The following CACNA1C variants were observed in gnomAD, a reference collection of about 807,000 sequenced individuals.
CACNA1C encodes the protein voltage-dependent L-type calcium channel subunit alpha-1C.
Under a neutral mutation model 229.0 loss-of-function variants are expected in CACNA1C, and 30 were observed. The observed-to-expected ratio is 0.13, with a 90% confidence interval of 0.10 to 0.18. The LOEUF (loss-of-function observed/expected upper bound fraction) is 0.18. Among genes scored for constraint, CACNA1C ranks in the 10% least tolerant of loss-of-function variants. The pLI, the probability that CACNA1C is intolerant of heterozygous loss-of-function variation, is 1.00. For synonymous variants in CACNA1C, 1,114 were observed against 1,132.5 expected (o/e 0.98, Z 0.33); for missense variants, 1,658 against 2,845.0 (o/e 0.58, Z 9.49).
chr12:2,530,807 G>A (rs1207353279), intron 9 of CACNA1C, among the ~76,000 whole-genome samples: 1 of 152,202 alleles, frequency 6.6e-6, no homozygotes, highest in Non-Finnish European at 1.5e-5. Flanking sequence ...AATACTGCAT[G>A]ACGAGAATGA....
chr12:1,981,792 A>G (rs2036216361), intron 1 of CACNA1C, among the ~76,000 whole-genome samples: 1 of 152,220 alleles, frequency 6.6e-6, no homozygotes, highest in African/African-American at 2.4e-5. Context: ...CAGGGAGGTA[A>G]AGTTCCAGCT....
rs564138780 is a variant in CACNA1C, at chr12:2,339,598, T to C, written c.478-109378T>C. On this transcript the variant is annotated intron_variant, in intron 3 of 46. Transcript: ENST00000399655. ...TACTCTCTTTATATCCTTTTTTCTA[T>C]GTGATGTATTCTATTAAAAATTATT... Among the ~76,000 whole-genome samples the C allele has an allele frequency of 3.9e-5, 6 of 152,350 alleles. No homozygotes were observed. The East Asian group carries it at 1.2e-3, about 29-fold the overall frequency.
intron 3 of CACNA1C, among the ~76,000 whole-genome samples, chr12:2,335,744 C>G (rs1433799486): frequency 6.6e-6 from 1 of 152,164 alleles, no homozygotes; most frequent in Non-Finnish European, 1.5e-5. Context: ...TCTGCCCAAC[C>G]TCCCTGCAGG....
chr12:2,048,178 G>A (rs190204684), upstream of CACNA1C, among the ~76,000 whole-genome samples: 29 of 152,338 alleles, frequency 1.9e-4, no homozygotes, highest in Admixed American at 1.4e-3. Flanking sequence ...CAACCTTAAC[G>A]CAGAACCACA....
In CACNA1C at chr12:2,556,956, G is replaced by A. The variant is rs369255950; in HGVS notation, c.1487G>A (p.Arg496Gln). 2.7e-5 allele frequency: 44 copies of A among 1,612,530 alleles called. No individual in the cohort carries two copies. Among genetic ancestry groups the A allele is most frequent in the Middle Eastern group, 3.3e-4 (2 of 6,082 alleles). ...GENCGARLAH[R>Q]ISKSKFSRYW... ...ATTTCCTTTTTCTTTTTCAGCCACC[G>A]GATCTCCAAGTCAAAGTTCAGGTGA... The change falls in exon 11 of 47, where the codon CGG (arginine) becomes CAG (glutamine). Residue 496 changes from arginine (R) to glutamine (Q), a missense_variant. Physicochemically the swap from Arg to Gln is conservative, Grantham distance 43. Coordinates refer to ENST00000399655, the MANE Select transcript of CACNA1C (RefSeq NM_000719.7).
intron 5 of CACNA1C, among the ~76,000 whole-genome samples, chr12:2,461,036 C>A (rs1349595164): frequency 6.6e-6 from 1 of 152,184 alleles, no homozygotes. Flanking sequence ...CTTCTCATAG[C>A]CATAGGTTAT....
At chr12:2,392,936 G>T (rs1389164103) in intron 3 of CACNA1C, among the ~76,000 whole-genome samples, 18 of 152,108 alleles carry the variant, frequency 1.2e-4, no homozygotes, top group Non-Finnish European at 2.9e-5. Flanking sequence ...ACCAATCCTT[G>T]TGTCCGTAAG....
intron 1 of CACNA1C, chr12:1,992,091 T>G: frequency 2.8e-6 from 1 of 356,390 alleles, no homozygotes; most frequent in South Asian, 2.8e-5. Flanking sequence ...GAATTCCAAG[T>G]CTTTAGTAAT....
Position 2,679,028 on chromosome 12 carries a change from T to C in CACNA1C, c.5092-416T>C, listed in dbSNP as rs1279376712. ...TTTTTTAAATCTGGTTAGAATCTTC[T>C]GGTCGCTCTCCCAGCCCCCGCCCTC... On this transcript the variant is annotated intron_variant, in intron 41 of 46. Coordinates refer to ENST00000399655, the MANE Select transcript of CACNA1C (RefSeq NM_000719.7). This position sits in a 1 kb window ranked among gnomAD's most constrained non-coding sequence, Gnocchi z 5.5. Among the ~76,000 whole-genome samples, 1 of 152,228 alleles carries C rather than the reference T, an allele frequency of 6.6e-6. No homozygotes were observed. Among genetic ancestry groups the C allele is most frequent in the Non-Finnish European group, 1.5e-5 (1 of 68,034 alleles).
At position 2,361,716 on chromosome 12, in the gene CACNA1C, T is replaced by C. The variant is rs190372172; in HGVS notation, c.478-87260T>C. Among the ~76,000 whole-genome samples the C allele has an allele frequency of 2.0e-3, 310 of 152,330 alleles. 3 individuals are homozygous for C. The highest frequency in any genetic ancestry group is 7.1e-3 in the African/African-American group (296 of 41,584). On this transcript the variant is annotated intron_variant, in intron 3 of 46. Coordinates refer to ENST00000399655, the MANE Select transcript of CACNA1C (RefSeq NM_000719.7). ...TTATGTGAGAGAAAAATAAAGCCAC[T>C]ATTATCTTTTGTTTTATTTATGCAG... is the stretch of plus-strand genomic sequence containing the variant.
rs1016406332 is a variant in CACNA1C, at chr12:2,634,059, G to A, written c.3829-238G>A. The stretch of plus-strand genomic sequence containing the variant: ...TTTGAACTAACCCAGCTTTTGTCAG[G>A]CCTCTGCACCCTGCGAAAACCAGGT... On this transcript the variant is annotated intron_variant, in intron 29 of 46. Coordinates refer to ENST00000399655, the MANE Select transcript of CACNA1C (RefSeq NM_000719.7). 1.5e-4 allele frequency among the ~76,000 whole-genome samples: 23 copies of A among 152,198 alleles called. 1 individual carries two copies. The highest frequency in any genetic ancestry group is 1.1e-3 in the Admixed American group (17 of 15,282).
intron 3 of CACNA1C, among the ~76,000 whole-genome samples, chr12:2,238,023 T>C (rs2154370341): frequency 6.6e-6 from 1 of 152,328 alleles, no homozygotes; most frequent in East Asian, 1.9e-4. Flanking sequence ...CCTATCTGTA[T>C]GTTCTTTAAG....
intron 3 of CACNA1C, among the ~76,000 whole-genome samples, chr12:2,279,952 C>T (rs2090479025): frequency 6.6e-6 from 1 of 152,200 alleles, no homozygotes. Context: ...AATCAATCCC[C>T]TACAGTTACT....
chr12:1,983,071 T>C (rs1219933269), intron 1 of CACNA1C, among the ~76,000 whole-genome samples: 1 of 152,098 alleles, frequency 6.6e-6, no homozygotes, highest in Non-Finnish European at 1.5e-5. Context: ...TATTATCCTT[T>C]TAATGTCTGT....
chr12:2,606,241 C>T (rs778975229), intron 24 of CACNA1C, among the ~76,000 whole-genome samples: 2 of 152,050 alleles, frequency 1.3e-5, no homozygotes, highest in Non-Finnish European at 2.9e-5. Flanking sequence ...TCTTTTTTGC[C>T]CTCACCCTTT....
chr12:2,423,054 T>A (rs1386910967), intron 3 of CACNA1C, among the ~76,000 whole-genome samples: 1 of 152,136 alleles, frequency 6.6e-6, no homozygotes, highest in Non-Finnish European at 1.5e-5. Flanking sequence ...AGCTCCGATG[T>A]CATCTAGCAT....
rs1325521159 is a variant in CACNA1C at position 2,082,856 on chromosome 12, T to C, written c.49+29245T>C. 2.0e-5 allele frequency among the ~76,000 whole-genome samples: 3 copies of C among 152,360 alleles called. No individual in the cohort carries two copies. The South Asian group carries it at 6.2e-4, about 32-fold the overall frequency. On this transcript the variant is annotated intron_variant, in intron 1 of 46. Transcript: ENST00000399655. ...AACGCCTATCTCTGCTCAAGTCTAC[T>C]TTATATCGTATATTTATATATAGAT... is the stretch of plus-strand genomic sequence containing the variant.
At chr12:2,623,688 A>G (rs1166809069) in intron 29 of CACNA1C, among the ~76,000 whole-genome samples, 1 of 152,150 alleles carries the variant, frequency 6.6e-6, no homozygotes, top group Non-Finnish European at 1.5e-5. Context: ...ATGCTAGCCC[A>G]GGAATGCCGT....
intron 3 of CACNA1C, among the ~76,000 whole-genome samples, chr12:2,344,162 G>A (rs2096939528): frequency 2.0e-5 from 3 of 152,146 alleles, no homozygotes; most frequent in Non-Finnish European, 4.4e-5. Flanking sequence ...TCCCAATAAT[G>A]CCTTCTTGCG....
Sources: allele counts gnomAD v4.1 joint callset (sites outside exome capture counted in the v4.1 genomes callset), GRCh38; gene constraint gnomAD v4.1.1; non-coding constraint Gnocchi (gnomAD v3.1); transcripts MANE v1.5; gene names NCBI Gene and HGNC (gene_info 2026-07-23, HGNC 2026-07-21).